The following PID1 variants were observed in gnomAD, a reference collection of about 807,000 sequenced individuals.
PID1 encodes the protein phosphotyrosine interaction domain containing 1.
Under a neutral mutation model 19.1 loss-of-function variants are expected in PID1, and 10 were observed. That is an observed-to-expected ratio of 0.52 (90% CI 0.32 to 0.89). PID1 has a LOEUF of 0.89. PID1 is among the 40% of genes least tolerant of loss of function. The pLI is 0.03. For synonymous variants in PID1, 130 were observed against 116.0 expected, an observed-to-expected ratio of 1.12 and a Z score of -0.78; for missense variants, 248 against 285.3, an observed-to-expected ratio of 0.87 and a Z score of 0.94.
intron 2 of PID1, among the ~76,000 whole-genome samples, chr2:229,064,611 A>G (rs7576385): frequency 0.026 from 4,002 of 152,160 alleles, 69 homozygotes; most frequent in Middle Eastern, 0.058. Flanking sequence ...CCAATTTTTG[A>G]TAAAAAAATT....
rs1345347219 is a variant in PID1 at position 229,139,108 on chromosome 2, A to C, written c.177+16710T>G. On this transcript the variant is annotated intron_variant, in intron 2 of 2. Coordinates refer to ENST00000392055, the MANE Select transcript of PID1 (RefSeq NM_001100818.2). The stretch of plus-strand genomic sequence containing the variant: ...GAAAGAAAGAAAGAAAGAAAGAAAG[A>C]AAGAAAGAGAAAGAAAGAAAGAAAG... Among the ~76,000 whole-genome samples, 426 of 70,950 alleles carry C rather than the reference A, an allele frequency of 6.0e-3. 47 individuals carry two copies. Among genetic ancestry groups the C allele is most frequent in the African/African-American group, 0.027 (381 of 14,198 alleles). The allele number at this position is 70,950 out of a possible 152,430, so 46.5% of individuals were successfully genotyped here.
At chr2:229,049,665 A>C (rs1277616782) in intron 2 of PID1, among the ~76,000 whole-genome samples, 1 of 152,202 alleles carries the variant, frequency 6.6e-6, no homozygotes, top group Non-Finnish European at 1.5e-5. Context: ...TCTCATTTCT[A>C]TCCCAAGTTT....
intron 2 of PID1, among the ~76,000 whole-genome samples, chr2:229,099,463 T>A (rs1040910195): frequency 2.6e-5 from 4 of 152,160 alleles, no homozygotes; most frequent in African/African-American, 9.7e-5. Flanking sequence ...TGCACAGGTT[T>A]CCATGAATTT....
chr2:229,238,082 C>G (rs971090394), intron 1 of PID1, among the ~76,000 whole-genome samples: 1 of 152,092 alleles, frequency 6.6e-6, no homozygotes, highest in African/African-American at 2.4e-5. Flanking sequence ...TTAGATAGTT[C>G]CTTTCCATTT....
At chr2:229,195,392 CATAT>C (rs1691354390) in intron 1 of PID1, among the ~76,000 whole-genome samples, 1 of 151,554 alleles carries the variant, frequency 6.6e-6, no homozygotes, top group Non-Finnish European at 1.5e-5. Flanking sequence ...CATGTATATA[CATAT>C]ACATACATAA....
intron 1 of PID1, among the ~76,000 whole-genome samples, chr2:229,230,830 CTTGT>C (rs754272975): frequency 2.1e-4 from 32 of 152,022 alleles, no homozygotes; most frequent in Non-Finnish European, 4.0e-4. Flanking sequence ...AGTATATATA[CTTGT>C]TTGTGTATAT....
intron 2 of PID1, among the ~76,000 whole-genome samples, chr2:229,087,148 A>AT (rs957587386): frequency 3.3e-5 from 5 of 151,810 alleles, no homozygotes; most frequent in African/African-American, 4.8e-5. Context: ...AATTACATTA[A>AT]TTTTTTTTTA....
intron 2 of PID1, among the ~76,000 whole-genome samples, chr2:229,049,440 A>T (rs1488558233): frequency 2.0e-5 from 3 of 152,184 alleles, no homozygotes; most frequent in Non-Finnish European, 4.4e-5. Flanking sequence ...ATAATGATAA[A>T]TAAATAATAT....
intron 2 of PID1, among the ~76,000 whole-genome samples, chr2:229,093,671 C>T (rs1393764571): frequency 6.6e-6 from 1 of 151,930 alleles, no homozygotes; most frequent in Non-Finnish European, 1.5e-5. Flanking sequence ...TGATTCACCA[C>T]ATAAACAGAA....
chr2:229,032,833 A>G (rs1693584516), intron 2 of PID1, among the ~76,000 whole-genome samples: 1 of 152,134 alleles, frequency 6.6e-6, no homozygotes, highest in African/African-American at 2.4e-5. Flanking sequence ...GACCTGCCCA[A>G]CCCCAACTGA....
At chr2:229,125,759 A>G (rs1191649920) in intron 2 of PID1, among the ~76,000 whole-genome samples, 2 of 152,174 alleles carry the variant, frequency 1.3e-5, no homozygotes, top group African/African-American at 4.8e-5. Flanking sequence ...CATGTTTTTC[A>G]TACTTGATAT....
At chr2:229,080,734 T>C (rs1445696619) in intron 2 of PID1, among the ~76,000 whole-genome samples, 1 of 152,212 alleles carries the variant, frequency 6.6e-6, no homozygotes, top group Non-Finnish European at 1.5e-5. Flanking sequence ...AAATAAACTG[T>C]TGTGAATGTT....
intron 2 of PID1, among the ~76,000 whole-genome samples, chr2:229,061,997 T>C (rs961964492): frequency 2.4e-4 from 37 of 151,946 alleles, no homozygotes; most frequent in African/African-American, 8.5e-4. Flanking sequence ...TTTGGTGGAA[T>C]TGTCAGGGTT....
chr2:229,044,179 T>G, intron 2 of PID1, among the ~76,000 whole-genome samples: 1 of 152,112 alleles, frequency 6.6e-6, no homozygotes, highest in Non-Finnish European at 1.5e-5. Context: ...TCGACTGTGC[T>G]TTTCCCAAAA....
chr2:229,221,210 G>A (rs755869087), intron 1 of PID1, among the ~76,000 whole-genome samples: 4 of 152,154 alleles, frequency 2.6e-5, no homozygotes, highest in Admixed American at 6.5e-5. Context: ...CACATCCAGG[G>A]AATGCCCTTA....
intron 1 of PID1, among the ~76,000 whole-genome samples, chr2:229,205,374 T>C (rs1445281984): frequency 6.6e-6 from 1 of 152,164 alleles, no homozygotes; most frequent in Non-Finnish European, 1.5e-5. Context: ...TTATTTTTCA[T>C]TTCCTAGACT....
At chr2:229,124,655 T>A (rs1695586843) in intron 2 of PID1, among the ~76,000 whole-genome samples, 1 of 152,184 alleles carries the variant, frequency 6.6e-6, no homozygotes, top group African/African-American at 2.4e-5. Context: ...TTCTCACTGA[T>A]ATTTGACCTG....
intron 1 of PID1, among the ~76,000 whole-genome samples, chr2:229,167,189 A>G (rs983307009): frequency 2.0e-5 from 3 of 152,184 alleles, no homozygotes; most frequent in African/African-American, 7.2e-5. Flanking sequence ...GCAATGTTTC[A>G]GGCATGAATC....
At chr2:229,026,172 G>T in intron 2 of PID1, 64 bp from the exon 3 acceptor site, 1 of 1,072,242 alleles carries the variant, frequency 9.3e-7, no homozygotes, top group Non-Finnish European at 1.4e-6. Context: ...CTGATAGACT[G>T]AATGAGTAGC....
Sources: allele counts gnomAD v4.1 joint callset (sites outside exome capture counted in the v4.1 genomes callset), GRCh38; gene constraint gnomAD v4.1.1; transcripts MANE v1.5; gene names NCBI Gene and HGNC (gene_info 2026-07-23, HGNC 2026-07-21).